Variants in PIAS4 observed in about 807,000 individuals in gnomAD.
PIAS4 encodes E3 SUMO-protein ligase PIAS4.
Under a neutral mutation model 58.0 loss-of-function variants are expected in PIAS4, and 7 were observed. The ratio of observed to expected loss-of-function variants is 0.12; its 90% confidence interval spans 0.07 to 0.23. The LOEUF (loss-of-function observed/expected upper bound fraction) is 0.23. PIAS4 is among the 10% of genes least tolerant of loss of function. The probability of loss-of-function intolerance (pLI) is 1.00; values close to 1 mark genes in which losing one functional copy is unlikely to be tolerated. For missense variants in PIAS4, 550 were observed against 709.5 expected (o/e 0.78, Z 2.55); for synonymous variants, 364 against 312.4 (o/e 1.17, Z -1.74).
intron 3 of PIAS4, among the ~76,000 whole-genome samples, chr19:4,026,871 A>C (rs2040169969): frequency 6.6e-6 from 1 of 152,054 alleles, no homozygotes; most frequent in Non-Finnish European, 1.5e-5. Flanking sequence ...TTTTTGAGAC[A>C]GAGTCACACT....
At chr19:4,008,864 T>A (rs1392065236) in intron 1 of PIAS4, among the ~76,000 whole-genome samples, 1 of 152,108 alleles carries the variant, frequency 6.6e-6, no homozygotes, top group African/African-American at 2.4e-5. Flanking sequence ...TTCTCTTTTG[T>A]TGATCTCTGG....
rs1432196433 is a variant in PIAS4, at chr19:4,027,337, A to T, written c.540-809A>T. Among the ~76,000 whole-genome samples the T allele has an allele frequency of 2.0e-5, 3 of 152,168 alleles. No individual in the cohort carries two copies. In the East Asian group the frequency reaches 5.8e-4, roughly 29 times the overall value. ...ACTGGGTGGGACATCCTCACGGTGC[A>T]CCTGTGCTGAGGCCTGGGTCTGAGC... On this transcript the variant is annotated intron_variant, in intron 3 of 10. Coordinates refer to ENST00000262971, the MANE Select transcript of PIAS4 (RefSeq NM_015897.4).
Position 4,037,731 on chromosome 19 carries a change from C to T in PIAS4, c.1389C>T (p.Ala463=), listed in dbSNP as rs2040315803. 6.2e-7 allele frequency: 1 copy of T among 1,611,184 alleles called. No homozygotes were observed. Among genetic ancestry groups the T allele is most frequent in the Non-Finnish European group, 8.5e-7 (1 of 1,179,280 alleles). The change falls in exon 11 of 11, where the codon GCC becomes GCT. Residue 463 remains alanine, a synonymous_variant. Coordinates refer to ENST00000262971, the MANE Select transcript of PIAS4 (RefSeq NM_015897.4). This position sits in a 1 kb window ranked among gnomAD's most constrained non-coding sequence, Gnocchi z 5.8. The part of the protein sequence containing the change: ...VGSMENGKPG[A]DVVDLTLDSS... ...GCATGGAGAATGGGAAGCCGGGCGCCGATGTGGTGGACCTCACGCTGGACA... is the reference window on the plus strand; with the variant it reads ...GCATGGAGAATGGGAAGCCGGGCGCTGATGTGGTGGACCTCACGCTGGACA...
intron 2 of PIAS4, among the ~76,000 whole-genome samples, chr19:4,015,199 C>A (rs2040039633): frequency 6.6e-6 from 1 of 152,212 alleles, no homozygotes; most frequent in Non-Finnish European, 1.5e-5. Context: ...GCAGAGCTGG[C>A]TGTCTCTGAA....
intron 7 of PIAS4, among the ~76,000 whole-genome samples, chr19:4,030,071 C>T (rs1372809135): frequency 2.2e-4 from 34 of 151,678 alleles, no homozygotes; most frequent in Non-Finnish European, 4.3e-4. Context: ...ATCCGCTTGC[C>T]TCGGCCTCCC....
At chr19:4,020,627 A>G (rs1248382289) in intron 2 of PIAS4, among the ~76,000 whole-genome samples, 2 of 152,158 alleles carry the variant, frequency 1.3e-5, no homozygotes, top group African/African-American at 4.8e-5. Context: ...CTTTGTATCT[A>G]AATATATTTT....
rs1165489046 is a variant in PIAS4 at position 4,039,384 on chromosome 19, C to A, written c.*1509C>A. The stretch of plus-strand genomic sequence containing the variant: ...GCAAATAAAAAAGGTCGAGGTGAAG[C>A]CATCCAGGCGTCCGCTTTTCTGTGC... On this transcript the variant is annotated 3_prime_UTR_variant, in exon 11 of 11. Transcript: ENST00000262971. 6.6e-6 allele frequency: 1 copy of A among 152,198 alleles called. No homozygotes were observed. The highest frequency in any genetic ancestry group is 1.5e-5 in the Non-Finnish European group (1 of 68,052). 9.4% of individuals were successfully genotyped at this position (152,198 alleles called of 1,614,324 possible). A position where few individuals can be genotyped will look rare whatever the true frequency, so the allele number is the denominator to read the frequency against.
At chr19:4,015,895 C>T (rs1016140465) in intron 2 of PIAS4, among the ~76,000 whole-genome samples, 1 of 152,248 alleles carries the variant, frequency 6.6e-6, no homozygotes, top group Non-Finnish European at 1.5e-5. Context: ...GAATGCTGGG[C>T]TGGGGGAGGG....
Position 4,033,386 on chromosome 19 carries a change from G to C in PIAS4, c.982-34G>C, listed in dbSNP as rs557185629. The C allele has an allele frequency of 1.0e-4, 156 of 1,538,032 alleles. 3 individuals carry two copies. The South Asian group carries it at 1.8e-3, about 17-fold the overall frequency. ...CACCGGGCAGGCGGGCACAACAGGA[G>C]GGGTGCCCTGCTCACGCAGCCCCTC... is the stretch of plus-strand genomic sequence containing the variant. On this transcript the variant is annotated intron_variant, in intron 8 of 10. Transcript: ENST00000262971.
At chr19:4,033,749 C>T (rs1316141842) in intron 9 of PIAS4, among the ~76,000 whole-genome samples, 169 bp downstream of exon 9, 4 of 152,128 alleles carry the variant, frequency 2.6e-5, no homozygotes, top group South Asian at 2.1e-4. Flanking sequence ...GTTTCTTTCT[C>T]GCGGAACTTC....
intron 3 of PIAS4, among the ~76,000 whole-genome samples, chr19:4,024,665 G>A (rs954452561): frequency 8.5e-5 from 13 of 152,216 alleles, no homozygotes; most frequent in Non-Finnish European, 1.6e-4. Context: ...GAAAGTAGGT[G>A]AATCCCAGGA....
chr19:4,038,075 A>G lies in PIAS4; in HGVS notation c.*200A>G, dbSNP rs1568223969. ...TAAAAAAAAAAGTAAAATGACAAAA[A>G]AAGATACAAAAAAGAAAAATGAAAC... On this transcript the variant is annotated 3_prime_UTR_variant, in exon 11 of 11. Transcript: ENST00000262971. The surrounding 1 kb of genome is among the most constrained non-coding windows in gnomAD (Gnocchi z 4.1). 2 of 564,332 alleles carry G rather than the reference A, an allele frequency of 3.5e-6. No individual in the cohort carries two copies. The highest frequency in any genetic ancestry group is 4.0e-5 in the African/African-American group (2 of 50,210). 35.0% of individuals were successfully genotyped at this position (564,332 alleles called of 1,614,324 possible).
chr19:4,029,878 A>C (rs1464264180), intron 7 of PIAS4, among the ~76,000 whole-genome samples: 1 of 129,506 alleles, frequency 7.7e-6, no homozygotes, highest in Non-Finnish European at 1.6e-5. Context: ...GCTGGAGTGC[A>C]ATGGCACGAT....
intron 9 of PIAS4, among the ~76,000 whole-genome samples, chr19:4,036,511 C>T (rs1285209640): frequency 6.8e-6 from 1 of 146,204 alleles, no homozygotes; most frequent in Non-Finnish European, 1.5e-5. Context: ...CAAACACACA[C>T]ACATCTATAC....
chr19:4,027,847 A>G (rs2040182316), intron 3 of PIAS4, among the ~76,000 whole-genome samples: 1 of 152,092 alleles, frequency 6.6e-6, no homozygotes, highest in Non-Finnish European at 1.5e-5. Context: ...GCCAGCTGCT[A>G]GATTCCCGCA....
At chr19:4,029,109 C>G (rs141537427) in intron 7 of PIAS4, 73 bp downstream of exon 7, 1 of 1,101,864 alleles carries the variant, frequency 9.1e-7, no homozygotes, top group Non-Finnish European at 1.3e-6. Context: ...CTGGGTGAAG[C>G]GGGGGGCCCT....
chr19:4,028,475 C>T, intron 4 of PIAS4, 35 bp from the exon 5 acceptor site: 1 of 1,527,194 alleles, frequency 6.5e-7, no homozygotes, highest in South Asian at 1.2e-5. Context: ...CCTGTGCGCC[C>T]CCTCCCCGCC....
chr19:4,031,762 C>G (rs765042079), intron 7 of PIAS4, among the ~76,000 whole-genome samples: 1 of 152,218 alleles, frequency 6.6e-6, no homozygotes, highest in African/African-American at 2.4e-5. Context: ...GGATTTCTTT[C>G]TTGCTGCACC....
intron 6 of PIAS4, 35 bp from the exon 7 acceptor site, chr19:4,028,894 CGT>C: frequency 3.1e-6 from 5 of 1,611,998 alleles, no homozygotes; most frequent in Non-Finnish European, 4.2e-6. Flanking sequence ...ACCCCGGCCC[CGT>C]CCTGCCAGCC....
Sources: gnomAD v4.1 joint callset for allele counts (sites outside exome capture counted in the v4.1 genomes callset) on GRCh38, gnomAD v4.1.1 for gene constraint, Gnocchi (gnomAD v3.1) non-coding constraint, MANE v1.5 for transcripts, NCBI Gene and HGNC (gene_info 2026-07-23, HGNC 2026-07-21) for gene names.